Variants in GPN1 observed in about 807,000 individuals in gnomAD.
The protein encoded by GPN1 is ATP(GTP)-binding protein.
A neutral mutation model predicts 55.9 loss-of-function variants in GPN1; 44 were observed. That is an observed-to-expected ratio of 0.79 (90% CI 0.62 to 1.01). The LOEUF (loss-of-function observed/expected upper bound fraction) is 1.01. Ranked by LOEUF, GPN1 falls within the 50% of genes least tolerant of loss-of-function variation. The pLI is 0.00. For synonymous variants in GPN1, 179 were observed against 162.5 expected, an observed-to-expected ratio of 1.10 and a Z score of -0.77; for missense variants, 466 against 462.8, an observed-to-expected ratio of 1.01 and a Z score of -0.06.
Position 27,638,255 on chromosome 2 carries a change from A to G in GPN1, c.570A>G (p.Lys190=). The stretch of plus-strand genomic sequence containing the variant: ...TGCCTTTCATTGTGGTCATGAATAA[A>G]GTAAGTGTATTCTTCCTGTTGTGAT... The part of the protein sequence containing the change: ...TKLPFIVVMN[K]TDIIDHSFAV... The change falls in exon 8 of 14, where the codon AAA becomes AAG. Residue 190 remains lysine (K), a splice_region_variant and synonymous_variant. Coordinates refer to ENST00000610189, the MANE Select transcript of GPN1 (RefSeq NM_007266.4). 6.5e-7 allele frequency: 1 copy of G among 1,529,840 alleles called. No homozygotes were observed. Among genetic ancestry groups the G allele is most frequent in the Non-Finnish European group, 9.1e-7 (1 of 1,103,354 alleles). 94.8% of individuals were successfully genotyped at this position (1,529,840 alleles called of 1,614,324 possible).
upstream of GPN1, chr2:27,628,766 C>T (rs1018795454): frequency 1.3e-6 from 2 of 1,535,398 alleles, no homozygotes. Flanking sequence ...GACCCCATCT[C>T]TTCTGGCCTT....
At chr2:27,630,142 C>T (rs1476553433) in intron 2 of GPN1, among the ~76,000 whole-genome samples, 190 bp downstream of exon 2, 10 of 152,022 alleles carry the variant, frequency 6.6e-5, no homozygotes, top group African/African-American at 2.4e-4. Flanking sequence ...AAAAAATTAG[C>T]CAGGCACGGT....
Position 27,651,503 on chromosome 2 carries a change from TATAAA to T in GPN1, c.*1304_*1308del, listed in dbSNP as rs1674549205. 1 of 152,326 alleles carries T rather than the reference TATAAA, an allele frequency of 6.6e-6. No individual in the cohort carries two copies. 9.4% of individuals were successfully genotyped at this position (152,326 alleles called of 1,614,324 possible). Reference sequence around the variant, plus strand: ...TTCTGCAGCAATAAAAGTGTTTTATTATAAAGTATTAATTTTAATGTTCTATACTT... The same window carrying T: ...TTCTGCAGCAATAAAAGTGTTTTATTGTATTAATTTTAATGTTCTATACTT... On this transcript the variant is annotated 3_prime_UTR_variant, in exon 14 of 14. Coordinates refer to ENST00000610189, the MANE Select transcript of GPN1 (RefSeq NM_007266.4).
chr2:27,630,146 G>T (rs1468421915), intron 2 of GPN1, among the ~76,000 whole-genome samples, 194 bp downstream of exon 2: 1 of 152,064 alleles, frequency 6.6e-6, no homozygotes, highest in Non-Finnish European at 1.5e-5. Context: ...AATTAGCCAG[G>T]CACGGTGGCA....
At chr2:27,633,396 C>G (rs1417599356) in intron 5 of GPN1, among the ~76,000 whole-genome samples, 1 of 152,198 alleles carries the variant, frequency 6.6e-6, no homozygotes, top group East Asian at 1.9e-4. Flanking sequence ...ACTTCCACCT[C>G]CCTGGCTCAG....
At chr2:27,633,861 T>G (rs1306059056) in intron 5 of GPN1, among the ~76,000 whole-genome samples, 2 of 152,096 alleles carry the variant, frequency 1.3e-5, no homozygotes, top group African/African-American at 2.4e-5. Context: ...AGTGTATGGT[T>G]GTTTTAGTCT....
In GPN1 at chr2:27,638,950, CT is replaced by C; in HGVS notation, c.638del (p.Leu213Ter). ...MQDFEAFQDALNQETTYVSNL... is the reference protein window; with the variant it reads ...MQDFEAFQDAXNQETTYVSNL... ...AGGATTTTGAGGCTTTCCAAGATGC[CT>C]TGAATCAAGAGACTACATACGTCAG... On this transcript the variant is annotated frameshift_variant, in exon 9 of 14. Coordinates refer to ENST00000610189, the MANE Select transcript of GPN1 (RefSeq NM_007266.4). LOFTEE classifies it high-confidence loss of function. The C allele has an allele frequency of 1.9e-6, 3 of 1,613,548 alleles. No individual in the cohort carries two copies. The highest frequency in any genetic ancestry group is 2.5e-6 in the Non-Finnish European group (3 of 1,179,496).
intron 5 of GPN1, among the ~76,000 whole-genome samples, chr2:27,633,924 C>T (rs993747200): frequency 6.6e-6 from 1 of 151,868 alleles, no homozygotes; most frequent in African/African-American, 2.4e-5. Context: ...TTTTGTCATC[C>T]TGAAAAGAAA....
At chr2:27,642,351 T>C in intron 11 of GPN1, 78 bp from the exon 12 acceptor site, 2 of 839,220 alleles carry the variant, frequency 2.4e-6, no homozygotes, top group Non-Finnish European at 4.1e-6. Flanking sequence ...TGTATAATTC[T>C]TCATCTCCAC....
rs1673427011 is a variant in GPN1 at position 27,629,186 on chromosome 2, G to A, written c.111+17G>A. 3.7e-6 allele frequency: 6 copies of A among 1,611,554 alleles called. No homozygotes were observed. The Admixed American group carries it at 5.0e-5, about 13-fold the overall frequency. On this transcript the variant is annotated intron_variant, in intron 1 of 13. Transcript: ENST00000610189. Reference sequence around the variant, plus strand: ...TTTGTACAGGTGACGTACACAGCATGGGTGTAGTAGGGGAGCGCAAAAGGT... The same window carrying A: ...TTTGTACAGGTGACGTACACAGCATAGGTGTAGTAGGGGAGCGCAAAAGGT...
rs778110020 is a variant in GPN1, at chr2:27,647,880, C to G, written c.976C>G (p.Arg326Gly). 11 of 1,613,576 alleles carry G rather than the reference C, an allele frequency of 6.8e-6. No individual in the cohort carries two copies. Among genetic ancestry groups the G allele is most frequent in the East Asian group, 2.2e-5 (1 of 44,880 alleles). ...GCACCCTTCTGATTTGATCCTGACT[C>G]GAGGAACCTTGGATGAAGAGGATGA... ...VLHPSDLILT[R>G]GTLDEEDEEA... Residue 326 changes from arginine to glycine, a missense_variant, in exon 13 of 14, where the codon CGA becomes GGA. Coordinates refer to ENST00000610189, the MANE Select transcript of GPN1 (RefSeq NM_007266.4).
chr2:27,632,083 A>G (rs1673578313), intron 4 of GPN1, among the ~76,000 whole-genome samples, 183 bp downstream of exon 4: 1 of 152,222 alleles, frequency 6.6e-6, no homozygotes, highest in Non-Finnish European at 1.5e-5. Context: ...AGACACTTCA[A>G]ATTTAATATT....
At position 27,629,203 on chromosome 2, in the gene GPN1, G is replaced by T. The variant is rs1389824815; in HGVS notation, c.111+34G>T. ...CACAGCATGGGTGTAGTAGGGGAGCGCAAAAGGTTGCCTCCGGCAGGCGGA... is the reference window on the plus strand; with the variant it reads ...CACAGCATGGGTGTAGTAGGGGAGCTCAAAAGGTTGCCTCCGGCAGGCGGA... On this transcript the variant is annotated intron_variant, in intron 1 of 13. Coordinates refer to ENST00000610189, the MANE Select transcript of GPN1 (RefSeq NM_007266.4). 3.7e-6 allele frequency: 6 copies of T among 1,603,370 alleles called. No homozygotes were observed. The African/African-American group carries it at 8.1e-5, about 22-fold the overall frequency.
intron 4 of GPN1, 120 bp from the exon 5 acceptor site, chr2:27,632,513 C>A: frequency 4.1e-6 from 3 of 737,514 alleles, no homozygotes; most frequent in Middle Eastern, 2.4e-4. Context: ...TGCAAATGTT[C>A]AGTAGGTGAT....
intron 13 of GPN1, 132 bp downstream of exon 13, chr2:27,648,075 C>T (rs1359591237): frequency 1.6e-6 from 1 of 631,768 alleles, no homozygotes; most frequent in East Asian, 2.8e-5. Flanking sequence ...AAAAGAGTTT[C>T]CTATATTGAG....
At chr2:27,645,801 C>T (rs188380418) in intron 12 of GPN1, among the ~76,000 whole-genome samples, 25 of 152,012 alleles carry the variant, frequency 1.6e-4, no homozygotes, top group Admixed American at 3.9e-4. Context: ...GTGATCTTGG[C>T]TCACTGCAGC....
intron 11 of GPN1, among the ~76,000 whole-genome samples, chr2:27,641,735 A>G (rs1673961179): frequency 6.6e-6 from 1 of 152,170 alleles, no homozygotes; most frequent in African/African-American, 2.4e-5. Context: ...CTAGGACAAC[A>G]TGTATGTACC....
chr2:27,629,356 C>G (rs560424832), intron 1 of GPN1, 187 bp downstream of exon 1: 5 of 1,545,734 alleles, frequency 3.2e-6, no homozygotes, highest in African/African-American at 1.4e-5. Context: ...AATTAAGGCT[C>G]TCTTCTGCGC....
chr2:27,641,345 AC>A lies in GPN1; in HGVS notation c.840+67del. ...AAAAAAACCCAGCTCAATCTTGATG[AC>A]ATAAGTGCTTTTGTTTTGGTTATTA... On this transcript the variant is annotated intron_variant, in intron 11 of 13. Coordinates refer to ENST00000610189, the MANE Select transcript of GPN1 (RefSeq NM_007266.4). 4 of 1,118,800 alleles carry A rather than the reference AC, an allele frequency of 3.6e-6. No individual in the cohort carries two copies. In the South Asian group the frequency reaches 5.4e-5, roughly 15 times the overall value. The allele number at this position is 1,118,800 out of a possible 1,614,324, so 69.3% of individuals were successfully genotyped here. A position where few individuals can be genotyped will look rare whatever the true frequency, so the allele number is the denominator to read the frequency against.
Sources: gnomAD v4.1 joint callset for allele counts (sites outside exome capture counted in the v4.1 genomes callset) on GRCh38, gnomAD v4.1.1 for gene constraint, MANE v1.5 for transcripts, NCBI Gene and HGNC (gene_info 2026-07-23, HGNC 2026-07-21) for gene names.